KIAA1217: variants seen among roughly 807,000 people sequenced by gnomAD.
KIAA1217 encodes the protein sickle tail protein homolog.
A neutral mutation model predicts 163.9 loss-of-function variants in KIAA1217; 88 were observed. The ratio of observed to expected loss-of-function variants is 0.54; its 90% confidence interval spans 0.45 to 0.64. The LOEUF (loss-of-function observed/expected upper bound fraction) is 0.64, where lower values mean the gene tolerates loss of function less well. Among genes scored for constraint, KIAA1217 ranks in the 30% least tolerant of loss-of-function variants. The pLI is 0.00. For missense variants in KIAA1217, 2,372 were observed against 2,475.0 expected (o/e 0.96, Z 0.88); for synonymous variants, 903 against 923.1 (o/e 0.98, Z 0.39).
At chr10:23,906,574 A>G (rs902775114) in intron 1 of KIAA1217, among the ~76,000 whole-genome samples, 2 of 152,156 alleles carry the variant, frequency 1.3e-5, no homozygotes, top group Admixed American at 6.6e-5. Flanking sequence ...AATTTCTTAT[A>G]GAACTGTGTC....
chr10:23,858,207 T>C (rs1380188049), intron 1 of KIAA1217, among the ~76,000 whole-genome samples: 2 of 152,064 alleles, frequency 1.3e-5, no homozygotes, highest in East Asian at 1.9e-4. Flanking sequence ...CTCAGTTTCT[T>C]CTCCTGAAAA....
intron 2 of KIAA1217, among the ~76,000 whole-genome samples, chr10:24,129,491 A>T (rs891692565): frequency 1.3e-5 from 2 of 152,188 alleles, no homozygotes; most frequent in Non-Finnish European, 2.9e-5. Context: ...TATATTCAAT[A>T]AATAATTCAA....
In KIAA1217 at chr10:23,695,832, C is replaced by T. The variant is rs965814332; in HGVS notation, c.-321+598C>T. Among the ~76,000 whole-genome samples the T allele has an allele frequency of 6.6e-6, 1 of 152,194 alleles. No homozygotes were observed. The highest frequency in any genetic ancestry group is 2.4e-5 in the African/African-American group (1 of 41,456). On this transcript the variant is annotated intron_variant, in intron 1 of 18. Transcript: ENST00000376462. This position sits in a 1 kb window ranked among gnomAD's most constrained non-coding sequence, Gnocchi z 4.9. ...AGGTCGAGGCAGGAGGCGAATGTGA[C>T]GCTTAGGGTCGCTACGGTTGATGTT...
chr10:23,961,976 AT>A (rs1420270673), intron 1 of KIAA1217, among the ~76,000 whole-genome samples: 10 of 152,202 alleles, frequency 6.6e-5, no homozygotes, highest in African/African-American at 2.4e-4. Flanking sequence ...GTTCACCCTA[AT>A]GATCTCATTT....
chr10:23,775,847 C>CT (rs1353067831), intron 1 of KIAA1217, among the ~76,000 whole-genome samples: 2 of 152,144 alleles, frequency 1.3e-5, no homozygotes, highest in South Asian at 4.1e-4. Flanking sequence ...CCATCACAGA[C>CT]TTTTTTTCCC....
At chr10:24,376,059 C>T (rs1340821747) in intron 2 of KIAA1217, among the ~76,000 whole-genome samples, 1 of 152,194 alleles carries the variant, frequency 6.6e-6, no homozygotes, top group Non-Finnish European at 1.5e-5. Flanking sequence ...CCTCGCAGAA[C>T]AGTGCACTTG....
At chr10:23,904,206 A>G (rs1027899342) in intron 1 of KIAA1217, among the ~76,000 whole-genome samples, 1 of 152,178 alleles carries the variant, frequency 6.6e-6, no homozygotes, top group South Asian at 2.1e-4. Context: ...AAAGTATTGC[A>G]TATGCATTGC....
intron 2 of KIAA1217, among the ~76,000 whole-genome samples, chr10:24,054,613 A>G (rs1282642405): frequency 6.6e-6 from 1 of 152,246 alleles, no homozygotes; most frequent in African/African-American, 2.4e-5. Context: ...TGCAGTTGCA[A>G]ACAAATACAG....
At chr10:24,527,417 A>G (rs2072363025) in intron 13 of KIAA1217, among the ~76,000 whole-genome samples, 1 of 147,452 alleles carries the variant, frequency 6.8e-6, no homozygotes, top group Non-Finnish European at 1.5e-5. Context: ...AGTGAGACTC[A>G]TGTCTCACTC....
chr10:24,538,140 G>T (rs535538801), intron 17 of KIAA1217, among the ~76,000 whole-genome samples: 4 of 152,296 alleles, frequency 2.6e-5, no homozygotes, highest in African/African-American at 9.6e-5. Context: ...GCTCAAGGAG[G>T]TAGATGTAGT....
chr10:24,529,797 C>CGT (rs1256171673), intron 14 of KIAA1217, among the ~76,000 whole-genome samples: 1 of 134,750 alleles, frequency 7.4e-6, no homozygotes, highest in African/African-American at 3.1e-5. Flanking sequence ...TAGCTCATCA[C>CGT]ATTTTTTTTT....
At chr10:24,318,204 T>C (rs1333809308) in intron 2 of KIAA1217, among the ~76,000 whole-genome samples, 3 of 152,046 alleles carry the variant, frequency 2.0e-5, no homozygotes, top group Non-Finnish European at 1.5e-5. Context: ...GGTAGGTAGA[T>C]GATAGATAGA....
intron 2 of KIAA1217, among the ~76,000 whole-genome samples, chr10:24,133,272 A>G (rs1277143018): frequency 1.3e-5 from 2 of 152,130 alleles, no homozygotes; most frequent in Admixed American, 1.3e-4. Context: ...TCATGATTCT[A>G]TTAGTCAAAA....
At chr10:24,539,222 C>A (rs1403067630) in intron 17 of KIAA1217, among the ~76,000 whole-genome samples, 6 of 151,806 alleles carry the variant, frequency 4.0e-5, no homozygotes, top group South Asian at 2.1e-4. Context: ...TAGAATTTTT[C>A]TTTTCTTTTC....
rs143167310 is a variant in KIAA1217 at position 24,106,197 on chromosome 10, A to G, written c.-171+98823A>G. ...CTGCCGTTGCCTCCTTGGTAACAGG[A>G]CCCTGATGCTTGGCTGGGACGATGG... On this transcript the variant is annotated intron_variant, in intron 2 of 18. Transcript: ENST00000376462. Among the ~76,000 whole-genome samples, 6 of 152,134 alleles carry G rather than the reference A, an allele frequency of 3.9e-5. No homozygotes were observed. In the East Asian group the frequency reaches 1.2e-3, roughly 29 times the overall value.
At chr10:24,233,177 C>T (rs1223060092) in intron 2 of KIAA1217, among the ~76,000 whole-genome samples, 1 of 152,058 alleles carries the variant, frequency 6.6e-6, no homozygotes, top group Non-Finnish European at 1.5e-5. Flanking sequence ...TCTGCCCTCT[C>T]TTAGTCCATT....
At chr10:23,890,031 A>G (rs1841354616) in intron 1 of KIAA1217, among the ~76,000 whole-genome samples, 1 of 151,724 alleles carries the variant, frequency 6.6e-6, no homozygotes, top group Admixed American at 6.6e-5. Flanking sequence ...TATAAGATTG[A>G]TATTAATTTT....
At chr10:24,141,008 C>T (rs1589648782) in intron 2 of KIAA1217, among the ~76,000 whole-genome samples, 1 of 152,148 alleles carries the variant, frequency 6.6e-6, no homozygotes, top group African/African-American at 2.4e-5. Context: ...GGATAGAATG[C>T]ATGAAACAAC....
At chr10:23,816,510 C>G (rs1191604070) in intron 1 of KIAA1217, among the ~76,000 whole-genome samples, 5 of 152,122 alleles carry the variant, frequency 3.3e-5, no homozygotes, top group Non-Finnish European at 5.9e-5. Context: ...CCAGTCTTGT[C>G]TCAAACTCCT....
Sources: gnomAD v4.1 joint callset for allele counts (sites outside exome capture counted in the v4.1 genomes callset) on GRCh38, gnomAD v4.1.1 for gene constraint, Gnocchi (gnomAD v3.1) non-coding constraint, MANE v1.5 for transcripts, NCBI Gene and HGNC (gene_info 2026-07-23, HGNC 2026-07-21) for gene names.